The following NELL1 variants were observed in gnomAD, a reference collection of about 807,000 sequenced individuals.
The protein encoded by NELL1 is protein kinase C-binding protein NELL1.
NELL1 carries 76 observed loss-of-function variants against 107.4 expected under a neutral mutation model. The observed-to-expected ratio is 0.71, with a 90% confidence interval of 0.59 to 0.86. The LOEUF (loss-of-function observed/expected upper bound fraction) is 0.86. Among genes scored for constraint, NELL1 ranks in the 40% least tolerant of loss-of-function variants. NELL1 has a pLI of 0.00. For missense variants in NELL1, 1,024 were observed against 1,005.5 expected (o/e 1.02, Z -0.25); for synonymous variants, 353 against 341.2 (o/e 1.03, Z -0.38).
chr11:21,494,650 T>C (rs1013174536), intron 15 of NELL1, among the ~76,000 whole-genome samples: 6 of 152,122 alleles, frequency 3.9e-5, no homozygotes, highest in Admixed American at 1.3e-4. Flanking sequence ...GATATTCATA[T>C]ATATATGAAC....
intron 5 of NELL1, among the ~76,000 whole-genome samples, chr11:20,902,006 T>C (rs1425225602): frequency 6.6e-6 from 1 of 152,110 alleles, no homozygotes; most frequent in East Asian, 1.9e-4. Context: ...TACATAAAAA[T>C]CACTTACAAG....
At chr11:20,939,625 C>T (rs1676858992) in intron 10 of NELL1, among the ~76,000 whole-genome samples, 1 of 152,064 alleles carries the variant, frequency 6.6e-6, no homozygotes, top group Admixed American at 6.6e-5. Context: ...TGTAAGGAGC[C>T]AGTTACCTGG....
intron 13 of NELL1, among the ~76,000 whole-genome samples, chr11:21,130,052 G>A (rs1324957799): frequency 6.6e-6 from 1 of 152,166 alleles, no homozygotes; most frequent in Non-Finnish European, 1.5e-5. Context: ...TATATGAAAG[G>A]ATCACAGAGG....
chr11:21,107,004 A>G (rs1565063445), intron 12 of NELL1, among the ~76,000 whole-genome samples: 2 of 152,132 alleles, frequency 1.3e-5, no homozygotes. Context: ...TTTAATTTTA[A>G]AAGTATTTTT....
chr11:21,154,033 C>T (rs979550295), intron 13 of NELL1, among the ~76,000 whole-genome samples: 1 of 152,188 alleles, frequency 6.6e-6, no homozygotes, highest in Admixed American at 6.6e-5. Context: ...TTATTTCTCT[C>T]TTCCCATTTA....
At chr11:20,968,100 C>T (rs546006303) in intron 12 of NELL1, among the ~76,000 whole-genome samples, 6 of 152,312 alleles carry the variant, frequency 3.9e-5, no homozygotes, top group Admixed American at 3.9e-4. Flanking sequence ...CCTAACCACG[C>T]TGGCTAAATT....
chr11:21,091,849 A>T (rs1481371569), intron 12 of NELL1, among the ~76,000 whole-genome samples: 3 of 152,220 alleles, frequency 2.0e-5, no homozygotes, highest in African/African-American at 7.2e-5. Context: ...CTTCATAAAA[A>T]CTGAGAAGGG....
chr11:20,990,304 A>G (rs1037092398), intron 12 of NELL1, among the ~76,000 whole-genome samples: 4 of 152,062 alleles, frequency 2.6e-5, no homozygotes, highest in African/African-American at 4.8e-5. Flanking sequence ...CCTTTTCTTA[A>G]TAGCGTGCCT....
chr11:20,885,833 A>G (rs776569581), intron 5 of NELL1, among the ~76,000 whole-genome samples: 2 of 152,226 alleles, frequency 1.3e-5, no homozygotes, highest in Non-Finnish European at 2.9e-5. Flanking sequence ...TGGATGATCC[A>G]GAAGGCAAAT....
intron 12 of NELL1, among the ~76,000 whole-genome samples, chr11:21,071,120 T>C (rs1854002982): frequency 6.6e-6 from 1 of 152,186 alleles, no homozygotes; most frequent in African/African-American, 2.4e-5. Flanking sequence ...TGGTTTTAAA[T>C]CCTGCCCCAT....
At position 21,304,202 on chromosome 11, in the gene NELL1, A is replaced by C. The variant is rs558399415; in HGVS notation, c.1550-66651A>C. ...GGGTATTCTAATGAGATACAAAGCCAAAGAAAAACCACCATGCCATTTAAC... is the reference window on the plus strand; with the variant it reads ...GGGTATTCTAATGAGATACAAAGCCCAAGAAAAACCACCATGCCATTTAAC... On this transcript the variant is annotated intron_variant, in intron 14 of 19. Transcript: ENST00000357134. Among the ~76,000 whole-genome samples, 4 of 152,186 alleles carry C rather than the reference A, an allele frequency of 2.6e-5. No homozygotes were observed. The East Asian group carries it at 7.7e-4, about 29-fold the overall frequency.
At chr11:20,786,375 G>T (rs970454461) in intron 3 of NELL1, among the ~76,000 whole-genome samples, 1 of 151,514 alleles carries the variant, frequency 6.6e-6, no homozygotes, top group African/African-American at 2.4e-5. Flanking sequence ...AAAAAAAGGC[G>T]GGGGGAGAAG....
At chr11:21,351,059 A>G (rs1295927623) in intron 14 of NELL1, among the ~76,000 whole-genome samples, 1 of 152,134 alleles carries the variant, frequency 6.6e-6, no homozygotes, top group Non-Finnish European at 1.5e-5. Flanking sequence ...GTAATAAGGA[A>G]AATGAGAGGG....
chr11:21,077,554 C>G (rs912055973), intron 12 of NELL1, among the ~76,000 whole-genome samples: 1 of 151,924 alleles, frequency 6.6e-6, no homozygotes, highest in Non-Finnish European at 1.5e-5. Context: ...ACCAGCCTGG[C>G]CAACATGGTG....
intron 13 of NELL1, among the ~76,000 whole-genome samples, chr11:21,134,340 G>C (rs749447642): frequency 3.3e-5 from 5 of 152,042 alleles, no homozygotes; most frequent in Non-Finnish European, 7.4e-5. Context: ...GGGACTATAA[G>C]GATAGGAGAG....
At chr11:21,399,851 T>C (rs1215899900) in intron 15 of NELL1, among the ~76,000 whole-genome samples, 1 of 151,704 alleles carries the variant, frequency 6.6e-6, no homozygotes, top group East Asian at 2.0e-4. Context: ...AAGATAATGA[T>C]GATGTTGATA....
intron 4 of NELL1, among the ~76,000 whole-genome samples, chr11:20,849,963 C>T (rs996022746): frequency 2.0e-5 from 3 of 152,082 alleles, no homozygotes; most frequent in Non-Finnish European, 4.4e-5. Context: ...AGGTTCCATG[C>T]GGGCAGTCTA....
intron 3 of NELL1, among the ~76,000 whole-genome samples, chr11:20,828,881 G>A (rs539244177): frequency 9.2e-5 from 14 of 152,236 alleles, no homozygotes; most frequent in East Asian, 3.9e-4. Context: ...AACTCAATCC[G>A]TGAGGAAGAT....
At chr11:21,452,785 A>G (rs1853620635) in intron 15 of NELL1, among the ~76,000 whole-genome samples, 2 of 151,920 alleles carry the variant, frequency 1.3e-5, no homozygotes, top group South Asian at 4.1e-4. Flanking sequence ...CTTTTTTACT[A>G]TATTAGCACT....
Sources: gnomAD v4.1 joint callset for allele counts (sites outside exome capture counted in the v4.1 genomes callset) on GRCh38, gnomAD v4.1.1 for gene constraint, MANE v1.5 for transcripts, NCBI Gene and HGNC (gene_info 2026-07-23, HGNC 2026-07-21) for gene names.